The following ACTR3C variants were observed in gnomAD, a reference collection of about 807,000 sequenced individuals.
The protein encoded by ACTR3C is actin related protein 3C, also known as actin-related protein 3C.
ACTR3C carries 18 observed loss-of-function variants against 26.3 expected under a neutral mutation model. The observed-to-expected ratio is 0.68, with a 90% CI of 0.47 to 1.01. The LOEUF is 1.01. Among genes scored for constraint, ACTR3C ranks in the 50% least tolerant of loss-of-function variants. The probability of loss-of-function intolerance (pLI) is 0.00; values close to 1 mark genes in which losing one functional copy is unlikely to be tolerated. For synonymous variants in ACTR3C, 55 were observed against 94.5 expected (o/e 0.58, Z 2.42); for missense variants, 184 against 250.7 (o/e 0.73, Z 1.80).
At chr7:150,116,120 C>A in the ACTR3C span, among the ~76,000 whole-genome samples, 1 of 152,226 alleles carries the variant, frequency 6.6e-6, no homozygotes, top group African/African-American at 2.4e-5. Flanking sequence ...TGGGGGAATT[C>A]ATGAAGAACA....
chr7:149,967,675 T>C, the ACTR3C span, among the ~76,000 whole-genome samples: 1 of 152,184 alleles, frequency 6.6e-6, no homozygotes, highest in Non-Finnish European at 1.5e-5. Context: ...TCAGGCTAGC[T>C]AGATAAGCCT....
the ACTR3C span, among the ~76,000 whole-genome samples, chr7:149,945,753 C>T: frequency 6.6e-6 from 1 of 152,162 alleles, no homozygotes; most frequent in Non-Finnish European, 1.5e-5. Context: ...CTACTGAAAA[C>T]CACATCGGGT....
At position 150,274,601 on chromosome 7, in the gene ACTR3C, C is replaced by T. The variant is rs1834713072; in HGVS notation, c.564+10152G>A. On this transcript the variant is annotated intron_variant, in intron 6 of 7. Coordinates refer to ENST00000683684, the MANE Select transcript of ACTR3C (RefSeq NM_001164458.2). The surrounding 1 kb of genome is among the most constrained non-coding windows in gnomAD (Gnocchi z 4.1). Reference sequence around the variant, plus strand: ...ACACTTCAGCCTGTGTAAGGGTGACCTAATAATTCCATGAGACGCTTACGC... The same window carrying T: ...ACACTTCAGCCTGTGTAAGGGTGACTTAATAATTCCATGAGACGCTTACGC... Among the ~76,000 whole-genome samples the T allele has an allele frequency of 6.6e-6, 1 of 152,130 alleles. No homozygotes were observed. The highest frequency in any genetic ancestry group is 6.5e-5 in the Admixed American group (1 of 15,280).
chr7:150,157,001 C>T, the ACTR3C span, among the ~76,000 whole-genome samples: 1 of 151,082 alleles, frequency 6.6e-6, no homozygotes, highest in Non-Finnish European at 1.5e-5. Flanking sequence ...CATGTGTCAA[C>T]ACCAGAAATG....
the ACTR3C span, among the ~76,000 whole-genome samples, chr7:150,038,799 G>C: frequency 7.0e-6 from 1 of 142,144 alleles, no homozygotes; most frequent in Non-Finnish European, 1.5e-5. Context: ...CCCGCCTCGC[G>C]GGGGGTGCCT....
At chr7:150,036,939 AGCCAG>A in the ACTR3C span, among the ~76,000 whole-genome samples, 8 of 94,118 alleles carry the variant, frequency 8.5e-5, no homozygotes, top group Admixed American at 1.9e-4. Context: ...GGGTCCTAAG[AGCCAG>A]TGGGGGAACC....
At chr7:150,309,155 A>G (rs1796065230) in intron 1 of ACTR3C, among the ~76,000 whole-genome samples, 1 of 152,184 alleles carries the variant, frequency 6.6e-6, no homozygotes, top group Non-Finnish European at 1.5e-5. Context: ...AGGTATAGCT[A>G]GGTGAGATTA....
the ACTR3C span, among the ~76,000 whole-genome samples, chr7:150,025,068 C>T: frequency 6.6e-6 from 1 of 150,780 alleles, no homozygotes; most frequent in African/African-American, 2.5e-5. Context: ...CAAAGAAGAG[C>T]CTTTCTCATG....
the ACTR3C span, among the ~76,000 whole-genome samples, chr7:149,972,910 T>C: frequency 2.0e-4 from 28 of 142,412 alleles, no homozygotes; most frequent in African/African-American, 5.7e-4. Flanking sequence ...TCTGTCCCCA[T>C]GTAATCATAG....
chr7:150,040,372 C>T, the ACTR3C span: 3 of 148,076 alleles, frequency 2.0e-5, no homozygotes, highest in Admixed American at 2.0e-4. Flanking sequence ...CGGGTAGCCC[C>T]AGGGCTGGGG....
chr7:150,007,633 G>A, the ACTR3C span, among the ~76,000 whole-genome samples: 1 of 152,170 alleles, frequency 6.6e-6, no homozygotes, highest in Admixed American at 6.5e-5. Flanking sequence ...GAGTGGGGTA[G>A]AGTTTTGGTG....
the ACTR3C span, among the ~76,000 whole-genome samples, chr7:150,082,307 CCT>C: frequency 6.6e-6 from 1 of 152,122 alleles, no homozygotes; most frequent in African/African-American, 2.4e-5. Flanking sequence ...ACTCTCATCC[CCT>C]TTCAGTGCCT....
At chr7:150,135,178 A>G in the ACTR3C span, among the ~76,000 whole-genome samples, 6 of 152,260 alleles carry the variant, frequency 3.9e-5, no homozygotes, top group Non-Finnish European at 4.4e-5. Flanking sequence ...AGGCTGAGGC[A>G]GGAGAATGGC....
At chr7:150,034,641 G>GACCC in the ACTR3C span, among the ~76,000 whole-genome samples, 1 of 151,294 alleles carries the variant, frequency 6.6e-6, no homozygotes, top group African/African-American at 2.4e-5. Context: ...GCTGCCTTCG[G>GACCC]ACCCGTCGGA....
the ACTR3C span, among the ~76,000 whole-genome samples, chr7:150,114,220 G>T: frequency 1.3e-5 from 2 of 152,064 alleles, no homozygotes; most frequent in Admixed American, 6.6e-5. Flanking sequence ...CAGAAATCAC[G>T]CTCAATCCCG....
At chr7:150,151,003 CCTTTT>C in the ACTR3C span, among the ~76,000 whole-genome samples, 3 of 131,562 alleles carry the variant, frequency 2.3e-5, 1 homozygote, top group African/African-American at 7.8e-5. Flanking sequence ...ATTTTGTTTT[CCTTTT>C]ATTTCTGCTT....
At chr7:150,148,057 T>C in the ACTR3C span, among the ~76,000 whole-genome samples, 1 of 144,828 alleles carries the variant, frequency 6.9e-6, no homozygotes, top group African/African-American at 2.6e-5. Context: ...GCTTCATACC[T>C]GGGTAATAAA....
At chr7:149,997,962 A>T in the ACTR3C span, among the ~76,000 whole-genome samples, 1 of 150,608 alleles carries the variant, frequency 6.6e-6, no homozygotes, top group African/African-American at 2.4e-5. Flanking sequence ...TGCAAGTATC[A>T]TTATCAATTT....
the ACTR3C span, among the ~76,000 whole-genome samples, chr7:149,921,341 C>T: frequency 2.6e-5 from 4 of 152,032 alleles, no homozygotes; most frequent in African/African-American, 2.4e-5. Context: ...CCGTGGTCTA[C>T]GTAATTTCAG....
Sources: allele counts gnomAD v4.1 joint callset (sites outside exome capture counted in the v4.1 genomes callset), GRCh38; gene constraint gnomAD v4.1.1; non-coding constraint Gnocchi (gnomAD v3.1); transcripts MANE v1.5; gene names NCBI Gene and HGNC (gene_info 2026-07-23, HGNC 2026-07-21).